The following SORCS3 variants were observed in gnomAD, a reference collection of about 807,000 sequenced individuals.
SORCS3 encodes VPS10 domain-containing receptor SorCS3.
Under a neutral mutation model 146.3 loss-of-function variants are expected in SORCS3, and 57 were observed. The observed-to-expected ratio is 0.39, with a 90% CI of 0.31 to 0.49. The LOEUF is 0.49. SORCS3 is among the 20% of genes least tolerant of loss of function. The pLI is 0.92. For synonymous variants in SORCS3, 653 were observed against 618.5 expected (o/e 1.06, Z -0.83); for missense variants, 1,341 against 1,575.5 (o/e 0.85, Z 2.52).
chr10:105,069,116 A>G (rs952433356), intron 5 of SORCS3, among the ~76,000 whole-genome samples: 2 of 152,204 alleles, frequency 1.3e-5, no homozygotes, highest in Admixed American at 6.5e-5. Context: ...TTTCTGGAAC[A>G]TCTTTCCAAA....
chr10:104,772,086 AG>A (rs941188898), intron 1 of SORCS3, among the ~76,000 whole-genome samples: 1 of 152,232 alleles, frequency 6.6e-6, no homozygotes, highest in Non-Finnish European at 1.5e-5. Context: ...GGATGACCCC[AG>A]GATGGGCGTC....
intron 1 of SORCS3, among the ~76,000 whole-genome samples, chr10:104,685,375 G>A (rs1369398107): frequency 6.6e-6 from 1 of 152,160 alleles, no homozygotes; most frequent in Admixed American, 6.5e-5. Context: ...CCTACAGTGG[G>A]CAGGAGCTTC....
At chr10:104,664,070 T>G (rs1023730255) in intron 1 of SORCS3, among the ~76,000 whole-genome samples, 1 of 152,080 alleles carries the variant, frequency 6.6e-6, no homozygotes, top group Non-Finnish European at 1.5e-5. Context: ...TGGGAAGAGC[T>G]TTGCTGGTTG....
intron 20 of SORCS3, among the ~76,000 whole-genome samples, chr10:105,229,806 G>C (rs1322774726): frequency 2.0e-5 from 3 of 152,170 alleles, no homozygotes; most frequent in Non-Finnish European, 4.4e-5. Context: ...CTTGGTGTTA[G>C]AAGGCCCAAC....
chr10:105,105,904 T>G (rs2055817213), intron 7 of SORCS3, among the ~76,000 whole-genome samples: 1 of 152,184 alleles, frequency 6.6e-6, no homozygotes, highest in African/African-American at 2.4e-5. Context: ...TTAGGATTCT[T>G]TTTCTGGAAA....
chr10:104,713,427 C>T (rs998873294), intron 1 of SORCS3, among the ~76,000 whole-genome samples: 6 of 152,224 alleles, frequency 3.9e-5, no homozygotes, highest in South Asian at 2.1e-4. Context: ...GCTAGCTGTA[C>T]GTTTTTTGGG....
intron 20 of SORCS3, among the ~76,000 whole-genome samples, chr10:105,232,371 A>T (rs1037238381): frequency 6.6e-6 from 1 of 152,036 alleles, no homozygotes; most frequent in African/African-American, 2.4e-5. Context: ...AATATCTATA[A>T]GATTTGTAGT....
chr10:104,805,118 A>C (rs2017666568), intron 1 of SORCS3, among the ~76,000 whole-genome samples: 1 of 152,232 alleles, frequency 6.6e-6, no homozygotes, highest in African/African-American at 2.4e-5. Flanking sequence ...AGGGGCCATA[A>C]GCCATGGACC....
intron 1 of SORCS3, among the ~76,000 whole-genome samples, chr10:104,829,214 G>A (rs546964559): frequency 2.0e-5 from 3 of 152,320 alleles, no homozygotes; most frequent in East Asian, 3.9e-4. Flanking sequence ...TCCTGAGGAA[G>A]CATGTAACCT....
chr10:104,754,633 G>A (rs1351125495), intron 1 of SORCS3, among the ~76,000 whole-genome samples: 2 of 152,176 alleles, frequency 1.3e-5, no homozygotes, highest in African/African-American at 4.8e-5. Context: ...GTTGAGAGCA[G>A]TGTTTGGGCT....
chr10:105,054,830 C>G (rs1281323685), intron 5 of SORCS3, among the ~76,000 whole-genome samples: 2 of 152,028 alleles, frequency 1.3e-5, no homozygotes, highest in African/African-American at 4.8e-5. Context: ...CTGGGTAAGT[C>G]TCCTCTCTGC....
chr10:104,969,471 A>T (rs973031053), intron 3 of SORCS3, among the ~76,000 whole-genome samples: 1 of 151,890 alleles, frequency 6.6e-6, no homozygotes, highest in Non-Finnish European at 1.5e-5. Flanking sequence ...ATATCACATG[A>T]TTTGTATGAG....
intron 1 of SORCS3, among the ~76,000 whole-genome samples, chr10:104,800,564 G>A (rs1035231179): frequency 2.6e-5 from 4 of 152,086 alleles, no homozygotes; most frequent in Admixed American, 1.3e-4. Flanking sequence ...GTGAGGGAGG[G>A]TGTGTGTGTG....
intron 2 of SORCS3, among the ~76,000 whole-genome samples, chr10:104,911,764 T>A (rs2018970878): frequency 6.6e-6 from 1 of 152,142 alleles, no homozygotes; most frequent in Non-Finnish European, 1.5e-5. Context: ...TCCTCTGAGC[T>A]CTTTTTTTAA....
At position 105,167,251 on chromosome 10, in the gene SORCS3, G is replaced by T. The variant is rs763361239; in HGVS notation, c.1810-7G>T. 6.2e-7 allele frequency: 1 copy of T among 1,605,962 alleles called. No individual in the cohort carries two copies. The highest frequency in any genetic ancestry group is 8.5e-7 in the Non-Finnish European group (1 of 1,173,344). On this transcript the variant is annotated splice_polypyrimidine_tract_variant and splice_region_variant and intron_variant, in intron 12 of 26. Transcript: ENST00000369701. The stretch of plus-strand genomic sequence containing the variant: ...TATGATTGTTGTTGTTGTTGTTGTT[G>T]TTCCAGATCTTTGATGAAGAGTACA...
At chr10:104,908,651 AT>A (rs990918375) in intron 2 of SORCS3, among the ~76,000 whole-genome samples, 5 of 152,186 alleles carry the variant, frequency 3.3e-5, no homozygotes, top group African/African-American at 1.2e-4. Flanking sequence ...TAAAAAAAAA[AT>A]TCATTTGTGA....
chr10:104,970,165 CAG>C (rs1272705916), intron 3 of SORCS3, among the ~76,000 whole-genome samples: 3 of 151,990 alleles, frequency 2.0e-5, no homozygotes, highest in Admixed American at 2.0e-4. Flanking sequence ...TGTTTTGAGA[CAG>C]AGTCTCACTC....
In SORCS3 at chr10:105,222,044, C is replaced by CTTTTT. The variant is rs34795700; in HGVS notation, c.2735-1049_2735-1045dup. On this transcript the variant is annotated intron_variant, in intron 19 of 26. Coordinates refer to ENST00000369701, the MANE Select transcript of SORCS3 (RefSeq NM_014978.3). ...CAGATGCAACACCGATACCTTAACA[C>CTTTTT]TTTTTTTTTTTTTTTTTTTTTTTTT... 2.1e-4 allele frequency among the ~76,000 whole-genome samples: 16 copies of CTTTTT among 76,510 alleles called. 1 individual carries two copies. Among genetic ancestry groups the CTTTTT allele is most frequent in the Admixed American group, 3.4e-4 (2 of 5,908 alleles). The allele number at this position is 76,510 out of a possible 152,430, so 50.2% of individuals were successfully genotyped here.
At chr10:104,717,541 T>C (rs567966522) in intron 1 of SORCS3, among the ~76,000 whole-genome samples, 1 of 152,206 alleles carries the variant, frequency 6.6e-6, no homozygotes, top group Admixed American at 6.5e-5. Flanking sequence ...GGTCCTTCTC[T>C]TTTTCCCTTT....
Sources: gnomAD v4.1 joint callset for allele counts (sites outside exome capture counted in the v4.1 genomes callset) on GRCh38, gnomAD v4.1.1 for gene constraint, MANE v1.5 for transcripts, NCBI Gene and HGNC (gene_info 2026-07-23, HGNC 2026-07-21) for gene names.